The following XYLT1 variants were observed in gnomAD, a reference collection of about 807,000 sequenced individuals.
XYLT1 encodes beta-D-xylosyltransferase 1.
XYLT1 carries 36 observed loss-of-function variants against 91.3 expected under a neutral mutation model. That is an observed-to-expected ratio of 0.39 (90% CI 0.30 to 0.52). The LOEUF (loss-of-function observed/expected upper bound fraction) is 0.52. Among genes scored for constraint, XYLT1 ranks in the 20% least tolerant of loss-of-function variants. XYLT1 has a pLI of 0.68. For missense variants in XYLT1, 1,242 were observed against 1,284.5 expected (o/e 0.97, Z 0.51); for synonymous variants, 588 against 532.0 (o/e 1.11, Z -1.45).
At chr16:17,238,212 A>C (rs2033278623) in intron 3 of XYLT1, among the ~76,000 whole-genome samples, 1 of 152,238 alleles carries the variant, frequency 6.6e-6, no homozygotes, top group African/African-American at 2.4e-5. Flanking sequence ...AGACAATGGC[A>C]AATCTGTAAA....
At chr16:17,224,860 T>C (rs1395675981) in intron 3 of XYLT1, among the ~76,000 whole-genome samples, 1 of 152,192 alleles carries the variant, frequency 6.6e-6, no homozygotes, top group Admixed American at 6.5e-5. Flanking sequence ...GGACAGACAG[T>C]AAACACTTTG....
At chr16:17,353,617 C>T (rs12935800) in intron 2 of XYLT1, among the ~76,000 whole-genome samples, 70,511 of 151,984 alleles carry the variant, frequency 0.46, 17,702 homozygotes, top group African/African-American at 0.63. Context: ...TAACTCACTG[C>T]GCAAAGCATT....
At chr16:17,246,955 C>T (rs1596446289) in intron 3 of XYLT1, among the ~76,000 whole-genome samples, 1 of 152,304 alleles carries the variant, frequency 6.6e-6, no homozygotes. Context: ...GAGCACCTCA[C>T]ACAGACTTGG....
chr16:17,186,047 T>G (rs2032175534), intron 5 of XYLT1, among the ~76,000 whole-genome samples: 1 of 152,186 alleles, frequency 6.6e-6, no homozygotes, highest in Non-Finnish European at 1.5e-5. Context: ...AAATTGATTC[T>G]TGGCATCCAC....
chr16:17,401,091 T>C (rs567114195), intron 1 of XYLT1, among the ~76,000 whole-genome samples: 1 of 152,228 alleles, frequency 6.6e-6, no homozygotes, highest in East Asian at 1.9e-4. Flanking sequence ...CTGGAATGAA[T>C]TCCAATCAGC....
At chr16:17,390,501 G>A (rs1429825753) in intron 1 of XYLT1, among the ~76,000 whole-genome samples, 2 of 152,208 alleles carry the variant, frequency 1.3e-5, no homozygotes, top group Non-Finnish European at 2.9e-5. Flanking sequence ...AACAGAGTCT[G>A]TCCAGAACTT....
At chr16:17,247,869 A>G (rs1471006430) in intron 3 of XYLT1, among the ~76,000 whole-genome samples, 1 of 152,122 alleles carries the variant, frequency 6.6e-6, no homozygotes, top group Non-Finnish European at 1.5e-5. Flanking sequence ...TGTACCCTAA[A>G]TCCAGGGCTA....
At chr16:17,153,085 C>A (rs547637289) in intron 6 of XYLT1, among the ~76,000 whole-genome samples, 1 of 152,254 alleles carries the variant, frequency 6.6e-6, no homozygotes, top group South Asian at 2.1e-4. Flanking sequence ...CATCAAGATT[C>A]TTCTCATATC....
At position 17,469,371 on chromosome 16, in the gene XYLT1, C is replaced by T. The variant is rs528599543; in HGVS notation, c.363+1063G>A. Among the ~76,000 whole-genome samples, 6 of 152,350 alleles carry T rather than the reference C, an allele frequency of 3.9e-5. No individual in the cohort carries two copies. The South Asian group carries it at 1.2e-3, about 32-fold the overall frequency. ...GATGAAGAAACAGACAGACACACAA[C>T]ACATTGGCTATGCCCTAAGGCAGAA... On this transcript the variant is annotated intron_variant, in intron 1 of 11. Coordinates refer to ENST00000261381, the MANE Select transcript of XYLT1 (RefSeq NM_022166.4).
intron 1 of XYLT1, among the ~76,000 whole-genome samples, chr16:17,380,757 C>T (rs1317649336): frequency 6.6e-6 from 1 of 152,166 alleles, no homozygotes; most frequent in African/African-American, 2.4e-5. Flanking sequence ...TAGTGTCCCT[C>T]CTGGAAGATC....
chr16:17,289,366 T>A (rs553856260), intron 2 of XYLT1, among the ~76,000 whole-genome samples: 1 of 152,342 alleles, frequency 6.6e-6, no homozygotes, highest in South Asian at 2.1e-4. Context: ...GTCGCCTCCC[T>A]CTTTCCCTCC....
At chr16:17,179,879 G>A (rs1008436729) in intron 5 of XYLT1, among the ~76,000 whole-genome samples, 5 of 151,940 alleles carry the variant, frequency 3.3e-5, no homozygotes, top group Non-Finnish European at 7.4e-5. Flanking sequence ...TCAAAGACTC[G>A]CCTGCATTTC....
At chr16:17,331,697 T>C (rs1013805995) in intron 2 of XYLT1, among the ~76,000 whole-genome samples, 9 of 152,188 alleles carry the variant, frequency 5.9e-5, no homozygotes, top group African/African-American at 2.2e-4. Flanking sequence ...CACTGAGGAT[T>C]GACCAGGTGA....
intron 1 of XYLT1, among the ~76,000 whole-genome samples, chr16:17,361,097 C>T (rs1004832955): frequency 6.6e-6 from 1 of 152,158 alleles, no homozygotes; most frequent in Non-Finnish European, 1.5e-5. Flanking sequence ...CTTCTGCAGC[C>T]CTTAAGCTTG....
intron 3 of XYLT1, among the ~76,000 whole-genome samples, chr16:17,241,238 A>AG (rs1389603776): frequency 6.6e-5 from 10 of 152,254 alleles, no homozygotes; most frequent in African/African-American, 2.4e-4. Context: ...CTAATGGTGC[A>AG]GTTCCTGTGT....
intron 1 of XYLT1, among the ~76,000 whole-genome samples, chr16:17,415,669 G>T (rs1307847002): frequency 6.6e-6 from 1 of 151,996 alleles, no homozygotes; most frequent in Non-Finnish European, 1.5e-5. Flanking sequence ...TCCAGCTTGG[G>T]CTACAGAGTG....
rs564210222 is a variant in XYLT1, at chr16:17,286,405, T to C, written c.403-26907A>G. 9.8e-5 allele frequency among the ~76,000 whole-genome samples: 15 copies of C among 152,360 alleles called. No homozygotes were observed. The East Asian group carries it at 2.5e-3, about 25-fold the overall frequency. ...TGTTCTCAGGGTTTTGGTCAAACCA[T>C]GGACTGACTCACCAATATAAAGACC... is the stretch of plus-strand genomic sequence containing the variant. On this transcript the variant is annotated intron_variant, in intron 2 of 11. Transcript: ENST00000261381.
At chr16:17,189,430 T>C (rs891593068) in intron 5 of XYLT1, among the ~76,000 whole-genome samples, 1 of 152,152 alleles carries the variant, frequency 6.6e-6, no homozygotes, top group African/African-American at 2.4e-5. Flanking sequence ...ACAAGAGTCC[T>C]CCAGCACCAC....
intron 1 of XYLT1, among the ~76,000 whole-genome samples, chr16:17,420,682 T>C (rs1181526026): frequency 9.1e-6 from 1 of 109,444 alleles, no homozygotes. Context: ...AGGCTAATTA[T>C]TCAGATTTTT....
Sources: gnomAD v4.1 joint callset for allele counts (sites outside exome capture counted in the v4.1 genomes callset) on GRCh38, gnomAD v4.1.1 for gene constraint, MANE v1.5 for transcripts, NCBI Gene and HGNC (gene_info 2026-07-23, HGNC 2026-07-21) for gene names.